The following SLC24A4 variants were observed in gnomAD, a reference collection of about 807,000 sequenced individuals.
SLC24A4 encodes sodium/potassium/calcium exchanger 4.
Under a neutral mutation model 79.0 loss-of-function variants are expected in SLC24A4, and 53 were observed. That is an observed-to-expected ratio of 0.67 (90% CI 0.54 to 0.84). The LOEUF (loss-of-function observed/expected upper bound fraction) is 0.84. SLC24A4 is among the 40% of genes least tolerant of loss of function. SLC24A4 has a pLI of 0.00. For synonymous variants in SLC24A4, 323 were observed against 323.8 expected, an observed-to-expected ratio of 1.00 and a Z score of 0.03; for missense variants, 731 against 822.0, an observed-to-expected ratio of 0.89 and a Z score of 1.35.
chr14:92,335,332 A>G (rs982331731), intron 2 of SLC24A4, among the ~76,000 whole-genome samples: 15 of 147,906 alleles, frequency 1.0e-4, no homozygotes, highest in South Asian at 2.1e-4. Flanking sequence ...GACACATGCC[A>G]TGTTTTTTTG....
At chr14:92,479,405 T>G (rs1411891149) in intron 12 of SLC24A4, among the ~76,000 whole-genome samples, 2 of 152,252 alleles carry the variant, frequency 1.3e-5, no homozygotes, top group Middle Eastern at 3.2e-3. Context: ...GTTGAGTGTT[T>G]CCATCAAGAA....
intron 2 of SLC24A4, among the ~76,000 whole-genome samples, chr14:92,431,457 T>C (rs1204076742): frequency 3.9e-5 from 6 of 152,192 alleles, no homozygotes; most frequent in Non-Finnish European, 8.8e-5. Context: ...AAGTTGTTGC[T>C]GTCAGTGACA....
At position 92,493,879 on chromosome 14, in the gene SLC24A4, C is replaced by A; in HGVS notation, c.*251C>A. 1.9e-6 allele frequency: 1 copy of A among 517,152 alleles called. No individual in the cohort carries two copies. The highest frequency in any genetic ancestry group is 3.5e-6 in the Non-Finnish European group (1 of 289,434). The allele number at this position is 517,152 out of a possible 1,614,324, so 32.0% of individuals were successfully genotyped here. ...CATTATCTGAGCAGCTTCAAAGACC[C>A]CTGAGCTGCCAACCACGGAGATGTG... is the stretch of plus-strand genomic sequence containing the variant. On this transcript the variant is annotated 3_prime_UTR_variant, in exon 17 of 17. Transcript: ENST00000532405.
chr14:92,339,256 T>A (rs894592310), intron 2 of SLC24A4, among the ~76,000 whole-genome samples: 4 of 152,104 alleles, frequency 2.6e-5, no homozygotes, highest in South Asian at 2.1e-4. Context: ...GCTGCGATCC[T>A]GGTGGTAAGT....
chr14:92,484,973 C>G, intron 13 of SLC24A4: 1 of 782,354 alleles, frequency 1.3e-6, no homozygotes, highest in Non-Finnish European at 1.6e-6. Flanking sequence ...CCAATTTCAA[C>G]CTAATCTTAC....
At chr14:92,469,592 T>C (rs1894322920) in intron 12 of SLC24A4, among the ~76,000 whole-genome samples, 1 of 152,054 alleles carries the variant, frequency 6.6e-6, no homozygotes, top group Non-Finnish European at 1.5e-5. Flanking sequence ...TGAAAATATA[T>C]GTCCACATGC....
chr14:92,478,058 T>C (rs1051598750), intron 12 of SLC24A4, among the ~76,000 whole-genome samples: 1 of 152,212 alleles, frequency 6.6e-6, no homozygotes, highest in Non-Finnish European at 1.5e-5. Context: ...CTGCCCATCT[T>C]GGCCTTCCAA....
chr14:92,338,704 A>G (rs1885956823), intron 2 of SLC24A4, among the ~76,000 whole-genome samples: 1 of 152,238 alleles, frequency 6.6e-6, no homozygotes. Flanking sequence ...TCTGTTTACT[A>G]AAATAAATGC....
intron 2 of SLC24A4, among the ~76,000 whole-genome samples, chr14:92,400,470 A>G (rs969627988): frequency 6.6e-6 from 1 of 151,512 alleles, no homozygotes; most frequent in African/African-American, 2.4e-5. Context: ...AGTTGGGGGA[A>G]AAATACATAC....
chr14:92,448,519 A>G (rs1047046176), intron 9 of SLC24A4, among the ~76,000 whole-genome samples: 4 of 152,234 alleles, frequency 2.6e-5, no homozygotes, highest in African/African-American at 9.6e-5. Context: ...TGTTTTATAA[A>G]GATGGGTGAT....
At chr14:92,374,286 T>C (rs576606276) in intron 2 of SLC24A4, among the ~76,000 whole-genome samples, 146 of 152,290 alleles carry the variant, frequency 9.6e-4, no homozygotes, top group Non-Finnish European at 1.7e-3. Flanking sequence ...GTGGTGTGGT[T>C]CCCACTCATT....
intron 14 of SLC24A4, 138 bp downstream of exon 14, chr14:92,486,918 A>C: frequency 1.7e-6 from 1 of 598,722 alleles, no homozygotes; most frequent in South Asian, 2.1e-5. Flanking sequence ...AAACTGCGAC[A>C]TCTAGAAAGC....
At chr14:92,340,845 G>A (rs1886100998) in intron 2 of SLC24A4, among the ~76,000 whole-genome samples, 1 of 152,156 alleles carries the variant, frequency 6.6e-6, no homozygotes, top group South Asian at 2.1e-4. Context: ...AATCCCAGCA[G>A]GATTTTACCG....
chr14:92,327,426 ATGGCAAGGGTCAT>A (rs1326010619), intron 2 of SLC24A4, among the ~76,000 whole-genome samples: 1 of 152,148 alleles, frequency 6.6e-6, no homozygotes, highest in Non-Finnish European at 1.5e-5. Context: ...CGACTGATAT[ATGGCAAGGGTCAT>A]TGGCTCCACA....
chr14:92,419,833 A>T (rs929575440), intron 2 of SLC24A4, among the ~76,000 whole-genome samples: 4 of 152,192 alleles, frequency 2.6e-5, no homozygotes, highest in Admixed American at 2.0e-4. Context: ...TCCCCAAAAG[A>T]TATGGTGAAG....
intron 2 of SLC24A4, among the ~76,000 whole-genome samples, chr14:92,412,139 T>G (rs1890752281): frequency 6.6e-6 from 1 of 152,056 alleles, no homozygotes; most frequent in Non-Finnish European, 1.5e-5. Flanking sequence ...CACTTTGGGG[T>G]TTGGCAGGAA....
intron 3 of SLC24A4, among the ~76,000 whole-genome samples, chr14:92,435,954 T>G (rs1892142767): frequency 6.6e-6 from 1 of 152,240 alleles, no homozygotes; most frequent in South Asian, 2.1e-4. Flanking sequence ...ACCTCAGGTT[T>G]CTGCTGAACC....
rs773339805 is a variant in SLC24A4 at position 92,442,774 on chromosome 14, C to T, written c.540C>T (p.Asn180=). The T allele has an allele frequency of 2.5e-6, 4 of 1,614,192 alleles. No homozygotes were observed. The South Asian group carries it at 4.4e-5, about 18-fold the overall frequency. Reference sequence around the variant, plus strand: ...CCATCGTGGGCTCTGCTGTGTTCAACATCCTGTGCATAATTGGAGTGTGCG... The same window carrying T: ...CCATCGTGGGCTCTGCTGTGTTCAATATCCTGTGCATAATTGGAGTGTGCG... The part of the protein sequence containing the change: ...VGTIVGSAVF[N]ILCIIGVCGL... Residue 180 remains asparagine (N), a synonymous_variant, in exon 6 of 17, where the codon AAC becomes AAT. Coordinates refer to ENST00000532405, the MANE Select transcript of SLC24A4 (RefSeq NM_153646.4).
rs933435467 is a variant in SLC24A4, at chr14:92,490,584, A to G, written c.1538-1081A>G. ...TCCCAAATATGCTTCAAGGCTTGGT[A>G]AAAAGGATGCTGTACCAGGGGACCT... On this transcript the variant is annotated intron_variant, in intron 14 of 16. Coordinates refer to ENST00000532405, the MANE Select transcript of SLC24A4 (RefSeq NM_153646.4). The surrounding 1 kb of genome is among the most constrained non-coding windows in gnomAD (Gnocchi z 4.3). Among the ~76,000 whole-genome samples the G allele has an allele frequency of 3.9e-5, 6 of 152,288 alleles. No individual in the cohort carries two copies. Among genetic ancestry groups the G allele is most frequent in the Non-Finnish European group, 7.4e-5 (5 of 68,018 alleles).
Sources: gnomAD v4.1 joint callset for allele counts (sites outside exome capture counted in the v4.1 genomes callset) on GRCh38, gnomAD v4.1.1 for gene constraint, Gnocchi (gnomAD v3.1) non-coding constraint, MANE v1.5 for transcripts, NCBI Gene and HGNC (gene_info 2026-07-23, HGNC 2026-07-21) for gene names.